Variants in MTMR14 observed in about 807,000 individuals in gnomAD.
MTMR14 encodes phosphatidylinositol-3,5-bisphosphate 3-phosphatase MTMR14.
In MTMR14, 48 loss-of-function variants were observed where a neutral mutation model predicts 86.3. The ratio of observed to expected loss-of-function variants is 0.56; its 90% CI spans 0.44 to 0.71. The LOEUF is 0.71. MTMR14 is among the 30% of genes least tolerant of loss of function. The pLI is 0.00. For synonymous variants in MTMR14, 366 were observed against 326.1 expected, an observed-to-expected ratio of 1.12 and a Z score of -1.32; for missense variants, 780 against 834.6, an observed-to-expected ratio of 0.93 and a Z score of 0.81.
chr3:9,653,494 C>T, intron 1 of MTMR14, 127 bp from the exon 2 acceptor site: 2 of 1,214,642 alleles, frequency 1.6e-6, no homozygotes, highest in Admixed American at 3.7e-5. Flanking sequence ...ATCACATCTT[C>T]CCAGCACAGA....
intron 6 of MTMR14, among the ~76,000 whole-genome samples, chr3:9,671,432 G>A (rs2125133363): frequency 6.6e-6 from 1 of 152,282 alleles, no homozygotes; most frequent in South Asian, 2.1e-4. Context: ...CCAGTGCTCT[G>A]CTGCCACCTT....
chr3:9,689,903 G>A, intron 16 of MTMR14, 61 bp from the exon 17 acceptor site: 1 of 1,516,396 alleles, frequency 6.6e-7, no homozygotes, highest in South Asian at 1.2e-5. Flanking sequence ...TTCAGTGAGG[G>A]TGGGCAGAGG....
At chr3:9,689,514 C>T (rs167147) in intron 16 of MTMR14, among the ~76,000 whole-genome samples, 1 of 152,106 alleles carries the variant, frequency 6.6e-6, no homozygotes, top group Non-Finnish European at 1.5e-5. Context: ...TGACTTTCAC[C>T]CTGGACAGAT....
intron 17 of MTMR14, among the ~76,000 whole-genome samples, chr3:9,696,509 CAA>C (rs1277642946): frequency 6.6e-6 from 1 of 152,192 alleles, no homozygotes; most frequent in African/African-American, 2.4e-5. Flanking sequence ...CAGGGAAAAA[CAA>C]AAACAGAAAC....
intron 15 of MTMR14, 53 bp downstream of exon 15, chr3:9,688,807 C>G (rs1375432239): frequency 6.2e-7 from 1 of 1,609,296 alleles, no homozygotes; most frequent in East Asian, 2.2e-5. Context: ...TTCCCGTGTA[C>G]AGATCAGGCA....
Position 9,701,588 on chromosome 3 carries a change from A to G in MTMR14, c.1770-202A>G. The G allele has an allele frequency of 1.5e-6, 1 of 647,534 alleles. No homozygotes were observed. The highest frequency in any genetic ancestry group is 2.7e-6 in the Non-Finnish European group (1 of 365,598). The allele number at this position is 647,534 out of a possible 1,614,324, so 40.1% of individuals were successfully genotyped here. ...TGCTCTAGGTGGGAACAGTAGCCTGAGGGCTTAGAGGAATGGTTTAAGGGA... is the reference window on the plus strand; with the variant it reads ...TGCTCTAGGTGGGAACAGTAGCCTGGGGGCTTAGAGGAATGGTTTAAGGGA... On this transcript the variant is annotated intron_variant, in intron 18 of 18. Coordinates refer to ENST00000296003, the MANE Select transcript of MTMR14 (RefSeq NM_001077525.3). This position sits in a 1 kb window ranked among gnomAD's most constrained non-coding sequence, Gnocchi z 4.2.
intron 17 of MTMR14, among the ~76,000 whole-genome samples, chr3:9,694,328 CCT>C (rs1491020678): frequency 2.1e-5 from 3 of 144,418 alleles, no homozygotes; most frequent in East Asian, 1.9e-4. Flanking sequence ...TTCAGGCCCC[CCT>C]CCCGTAAGTT....
At position 9,702,056 on chromosome 3, in the gene MTMR14, T is replaced by A; in HGVS notation, c.*83T>A. 1.3e-6 allele frequency: 2 copies of A among 1,561,684 alleles called. No homozygotes were observed. The highest frequency in any genetic ancestry group is 1.8e-6 in the Non-Finnish European group (2 of 1,138,306). ...TCAAAGCCATGCCTGGCCGAAGGGG[T>A]ACTTCCAGGTCAGGGGAAATTTCAG... On this transcript the variant is annotated 3_prime_UTR_variant, in exon 19 of 19. Coordinates refer to ENST00000296003, the MANE Select transcript of MTMR14 (RefSeq NM_001077525.3).
intron 18 of MTMR14, chr3:9,699,553 T>C (rs1427527523): frequency 2.0e-5 from 3 of 152,256 alleles, no homozygotes; most frequent in Non-Finnish European, 4.4e-5. Context: ...TCCTAGCTGC[T>C]CTATTCACCA....
chr3:9,685,777 C>T (rs1345793604), intron 13 of MTMR14, among the ~76,000 whole-genome samples: 1 of 152,164 alleles, frequency 6.6e-6, no homozygotes, highest in Non-Finnish European at 1.5e-5. Context: ...TCCCCCATGC[C>T]TGTCGCCTTT....
At chr3:9,699,040 T>C (rs1371692843) in intron 18 of MTMR14, among the ~76,000 whole-genome samples, 1 of 151,900 alleles carries the variant, frequency 6.6e-6, no homozygotes, top group African/African-American at 2.4e-5. Context: ...AGGTGGTGAA[T>C]GCCTATTAGT....
At chr3:9,665,564 T>C (rs2048201364) in intron 3 of MTMR14, among the ~76,000 whole-genome samples, 1 of 152,074 alleles carries the variant, frequency 6.6e-6, no homozygotes, top group African/African-American at 2.4e-5. Flanking sequence ...AATAGAAGTC[T>C]AAACCCCGCT....
intron 3 of MTMR14, among the ~76,000 whole-genome samples, chr3:9,665,821 C>T (rs186720233): frequency 1.8e-3 from 274 of 151,536 alleles, no homozygotes; most frequent in African/African-American, 5.3e-3. Context: ...CTCCGCCTCC[C>T]GGGTTCATGC....
intron 2 of MTMR14, among the ~76,000 whole-genome samples, chr3:9,655,898 G>T (rs2047573068): frequency 6.6e-6 from 1 of 152,032 alleles, no homozygotes; most frequent in Non-Finnish European, 1.5e-5. Context: ...TGTAAAGTGG[G>T]GATGTCTATA....
intron 1 of MTMR14, 127 bp from the exon 2 acceptor site, chr3:9,653,493 TC>T: frequency 2.5e-6 from 3 of 1,205,678 alleles, no homozygotes; most frequent in South Asian, 1.2e-5. Flanking sequence ...CATCACATCT[TC>T]CCAGCACAGA....
At chr3:9,659,953 T>A in intron 2 of MTMR14, 1 of 415,778 alleles carries the variant, frequency 2.4e-6, no homozygotes, top group African/African-American at 2.0e-5. Flanking sequence ...CCTGGGAAAA[T>A]CAGATGTAGG....
rs2076461045 is a variant in MTMR14 at position 9,701,617 on chromosome 3, CAG to C, written c.1770-172_1770-171del. On this transcript the variant is annotated intron_variant, in intron 18 of 18. Transcript: ENST00000296003. This position sits in a 1 kb window ranked among gnomAD's most constrained non-coding sequence, Gnocchi z 4.2. ...CTTAGAGGAATGGTTTAAGGGAAAA[CAG>C]GGCCAGATATTTGGGGCCTGAACCA... 2 of 762,608 alleles carry C rather than the reference CAG, an allele frequency of 2.6e-6. No homozygotes were observed. Among genetic ancestry groups the C allele is most frequent in the Middle Eastern group, 3.2e-4 (1 of 3,110 alleles). The allele number at this position is 762,608 out of a possible 1,614,324, so 47.2% of individuals were successfully genotyped here. A position where few individuals can be genotyped will look rare whatever the true frequency, so the allele number is the denominator to read the frequency against.
intron 10 of MTMR14, 130 bp downstream of exon 10, chr3:9,683,374 G>C (rs2075833820): frequency 1.2e-6 from 1 of 853,076 alleles, no homozygotes; most frequent in Non-Finnish European, 2.0e-6. Flanking sequence ...AATTTGGGGA[G>C]TTCCTAGAAT....
At chr3:9,675,749 G>C (rs1166436168) in intron 7 of MTMR14, 15 of 455,858 alleles carry the variant, frequency 3.3e-5, no homozygotes, top group Non-Finnish European at 5.3e-5. Flanking sequence ...CTGCATCATA[G>C]GCGGGTCTGA....
Sources: gnomAD v4.1 joint callset for allele counts (sites outside exome capture counted in the v4.1 genomes callset) on GRCh38, gnomAD v4.1.1 for gene constraint, Gnocchi (gnomAD v3.1) non-coding constraint, MANE v1.5 for transcripts, NCBI Gene and HGNC (gene_info 2026-07-23, HGNC 2026-07-21) for gene names.